The following TMEM182 variants were observed in gnomAD, a reference collection of about 807,000 sequenced individuals.
TMEM182 encodes the protein transmembrane protein 182.
Under a neutral mutation model 26.8 loss-of-function variants are expected in TMEM182, and 20 were observed. The observed-to-expected ratio is 0.75, with a 90% confidence interval of 0.53 to 1.09. The LOEUF (loss-of-function observed/expected upper bound fraction) is 1.09. Among genes scored for constraint, TMEM182 ranks in the 50% least tolerant of loss-of-function variants. The pLI is 0.00. For missense variants in TMEM182, 277 were observed against 275.5 expected, an observed-to-expected ratio of 1.01 and a Z score of -0.04; for synonymous variants, 109 against 102.2, an observed-to-expected ratio of 1.07 and a Z score of -0.40.
At chr2:102,821,197 C>G (rs950294211), downstream of TMEM182, among the ~76,000 whole-genome samples, 1 of 152,178 alleles carries the variant, frequency 6.6e-6, no homozygotes, top group Admixed American at 6.5e-5. Flanking sequence ...ATTATGTTTT[C>G]ATAATTGAAA....
chr2:102,770,761 C>A (rs1320270800), intron 3 of TMEM182, among the ~76,000 whole-genome samples: 1 of 152,154 alleles, frequency 6.6e-6, no homozygotes, highest in Non-Finnish European at 1.5e-5. Flanking sequence ...ACCAACAGAG[C>A]ACAGCATGGC....
chr2:102,812,111 A>C (rs2104753852), intron 4 of TMEM182, among the ~76,000 whole-genome samples: 1 of 152,308 alleles, frequency 6.6e-6, no homozygotes, highest in African/African-American at 2.4e-5. Context: ...ATCCAATTCT[A>C]ATCAAATTCT....
chr2:102,738,660 G>A (rs1558747122), intron 1 of TMEM182, among the ~76,000 whole-genome samples: 1 of 152,078 alleles, frequency 6.6e-6, no homozygotes, highest in Non-Finnish European at 1.5e-5. Flanking sequence ...AGAAACCTGG[G>A]GGAGAGATTT....
chr2:102,788,801 G>A (rs1220978117), intron 3 of TMEM182, among the ~76,000 whole-genome samples: 1 of 152,148 alleles, frequency 6.6e-6, no homozygotes, highest in African/African-American at 2.4e-5. Context: ...GCAAGTTTAA[G>A]GGTGGGAGGT....
Position 102,798,015 on chromosome 2 carries a change from A to G in TMEM182, c.469+15A>G. On this transcript the variant is annotated intron_variant, in intron 4 of 4. Coordinates refer to ENST00000412401, the MANE Select transcript of TMEM182 (RefSeq NM_144632.5). ...TATTGCTGCAGGTACGTACGGTGCA[A>G]TGGGTATGACTTTCAGCCACGGTTT... The G allele has an allele frequency of 6.3e-7, 1 of 1,599,464 alleles. No homozygotes were observed. The highest frequency in any genetic ancestry group is 8.5e-7 in the Non-Finnish European group (1 of 1,175,874).
chr2:102,775,700 A>G (rs1680886530), intron 3 of TMEM182, among the ~76,000 whole-genome samples: 1 of 152,222 alleles, frequency 6.6e-6, no homozygotes, highest in Non-Finnish European at 1.5e-5. Context: ...GTCTCAGGAT[A>G]CAAAATCAAT....
At chr2:102,831,218 A>G (rs534212117) in intron 3 of TMEM182, among the ~76,000 whole-genome samples, 2 of 152,280 alleles carry the variant, frequency 1.3e-5, no homozygotes, top group African/African-American at 4.8e-5. Flanking sequence ...TTGGGTATAC[A>G]CCCAGCAGTG....
chr2:102,762,207 G>C lies in TMEM182; in HGVS notation c.-11G>C. On this transcript the variant is annotated 5_prime_UTR_variant, in exon 1 of 5. Transcript: ENST00000412401. ...TCATATTTTATTTAAAAGGAAACCA[G>C]TGAATTGAAAATGAGACTAAATATC... 1 of 1,607,704 alleles carries C rather than the reference G, an allele frequency of 6.2e-7. No individual in the cohort carries two copies. Among genetic ancestry groups the C allele is most frequent in the Non-Finnish European group, 8.5e-7 (1 of 1,176,108 alleles).
At chr2:102,783,206 C>T (rs1681247613) in intron 3 of TMEM182, among the ~76,000 whole-genome samples, 1 of 152,152 alleles carries the variant, frequency 6.6e-6, no homozygotes, top group Admixed American at 6.5e-5. Context: ...CCCTCCTAAA[C>T]CATATACAGA....
intron 3 of TMEM182, among the ~76,000 whole-genome samples, chr2:102,825,846 T>C (rs938113427): frequency 1.3e-5 from 2 of 152,146 alleles, no homozygotes; most frequent in Admixed American, 6.5e-5. Flanking sequence ...AATAGGTAAC[T>C]CGCCCAAGGC....
intron 3 of TMEM182, among the ~76,000 whole-genome samples, chr2:102,779,645 T>C (rs185590534): frequency 6.6e-6 from 1 of 152,338 alleles, no homozygotes. Context: ...TTAGTAATTA[T>C]ATCTTCCAAT....
At chr2:102,841,240 C>T (rs1040730499) in intron 3 of TMEM182, among the ~76,000 whole-genome samples, 12 of 152,294 alleles carry the variant, frequency 7.9e-5, no homozygotes, top group African/African-American at 2.6e-4. Flanking sequence ...TCCGGCCCAA[C>T]TCCGAGGGGC....
At chr2:102,829,080 G>A (rs1573577878) in intron 3 of TMEM182, among the ~76,000 whole-genome samples, 1 of 152,308 alleles carries the variant, frequency 6.6e-6, no homozygotes. Context: ...CTGTTTTAAT[G>A]CATCCTGATG....
intron 1 of TMEM182, among the ~76,000 whole-genome samples, chr2:102,739,903 G>A (rs546593692): frequency 2.8e-4 from 43 of 152,224 alleles, no homozygotes; most frequent in Non-Finnish European, 5.7e-4. Flanking sequence ...AAAATCCTTT[G>A]TCTCTGATCC....
Position 102,816,297 on chromosome 2 carries a change from A to G in TMEM182, c.*1329A>G, listed in dbSNP as rs1682743599. On this transcript the variant is annotated 3_prime_UTR_variant, in exon 5 of 5. Transcript: ENST00000412401. ...GCAGCTGTTGTGAGGACAGAGAGGC[A>G]TGGCCCACAGGCAAAAAAAGTCACC... 2.0e-6 allele frequency: 2 copies of G among 985,220 alleles called. No homozygotes were observed. Among genetic ancestry groups the G allele is most frequent in the Admixed American group, 6.2e-5 (1 of 16,250 alleles). 61.0% of individuals were successfully genotyped at this position (985,220 alleles called of 1,614,324 possible). A position where few individuals can be genotyped will look rare whatever the true frequency, so the allele number is the denominator to read the frequency against.
At chr2:102,751,808 A>G (rs1409557462) in intron 1 of TMEM182, among the ~76,000 whole-genome samples, 2 of 152,146 alleles carry the variant, frequency 1.3e-5, no homozygotes, top group African/African-American at 4.8e-5. Flanking sequence ...CTAGGGCTAG[A>G]GGTGCATGCC....
intron 3 of TMEM182, among the ~76,000 whole-genome samples, chr2:102,789,547 C>T (rs1681545137): frequency 6.6e-6 from 1 of 152,234 alleles, no homozygotes; most frequent in South Asian, 2.1e-4. Context: ...AACAGTAACA[C>T]CAAAGCTTAT....
intron 3 of TMEM182, among the ~76,000 whole-genome samples, chr2:102,789,588 G>C (rs999774344): frequency 6.6e-6 from 1 of 152,168 alleles, no homozygotes; most frequent in Non-Finnish European, 1.5e-5. Context: ...TTAGCTCTGG[G>C]TCAGTCTTTT....
intron 3 of TMEM182, among the ~76,000 whole-genome samples, chr2:102,831,830 A>G (rs1683155891): frequency 6.6e-6 from 1 of 152,160 alleles, no homozygotes; most frequent in Non-Finnish European, 1.5e-5. Context: ...TATGCTTCTT[A>G]ATGGGGGTCT....
Sources: allele counts gnomAD v4.1 joint callset (sites outside exome capture counted in the v4.1 genomes callset), GRCh38; gene constraint gnomAD v4.1.1; transcripts MANE v1.5; gene names NCBI Gene and HGNC (gene_info 2026-07-23, HGNC 2026-07-21).